The following LRRFIP2 variants were observed in gnomAD, a reference collection of about 807,000 sequenced individuals.
LRRFIP2 encodes the protein leucine-rich repeat flightless-interacting protein 2.
LRRFIP2 carries 109 observed loss-of-function variants against 125.9 expected under a neutral mutation model. That is an observed-to-expected ratio of 0.87 (90% CI 0.74 to 1.01). The LOEUF is 1.01. LRRFIP2 is among the 50% of genes least tolerant of loss of function. The pLI, the probability that LRRFIP2 is intolerant of heterozygous loss-of-function variation, is 0.00. For missense variants in LRRFIP2, 850 were observed against 862.3 expected, an observed-to-expected ratio of 0.99 and a Z score of 0.18; for synonymous variants, 291 against 293.1, an observed-to-expected ratio of 0.99 and a Z score of 0.07.
chr3:37,152,015 AC>A (rs2096045684), intron 1 of LRRFIP2, among the ~76,000 whole-genome samples: 1 of 152,196 alleles, frequency 6.6e-6, no homozygotes, highest in Non-Finnish European at 1.5e-5. Context: ...ACATACACAC[AC>A]ACGTTTATAG....
intron 13 of LRRFIP2, 92 bp from the exon 14 acceptor site, chr3:37,105,615 T>C (rs887161400): frequency 3.7e-6 from 3 of 812,432 alleles, no homozygotes; most frequent in South Asian, 1.4e-5. Flanking sequence ...TTGAGATGCA[T>C]ATGAATAACT....
At chr3:37,167,113 T>C (rs143845827) in intron 1 of LRRFIP2, among the ~76,000 whole-genome samples, 3 of 150,028 alleles carry the variant, frequency 2.0e-5, no homozygotes, top group African/African-American at 4.9e-5. Context: ...GGGAGGATCA[T>C]TTTAGCCCAG....
chr3:37,147,351 T>C (rs1381782572), intron 2 of LRRFIP2, among the ~76,000 whole-genome samples: 1 of 152,180 alleles, frequency 6.6e-6, no homozygotes, highest in Non-Finnish European at 1.5e-5. Flanking sequence ...GCAATCCCAT[T>C]ACTTGAAGGA....
At chr3:37,142,080 A>C (rs977525069) in intron 2 of LRRFIP2, among the ~76,000 whole-genome samples, 1 of 152,138 alleles carries the variant, frequency 6.6e-6, no homozygotes, top group Middle Eastern at 3.4e-3. Context: ...TTTGGACAAA[A>C]TGAATAATGC....
At chr3:37,109,430 C>T in intron 11 of LRRFIP2, 97 bp downstream of exon 11, 1 of 1,318,098 alleles carries the variant, frequency 7.6e-7, no homozygotes, top group South Asian at 1.2e-5. Flanking sequence ...AATCATGTGT[C>T]CTTAACTATT....
intron 21 of LRRFIP2, chr3:37,066,691 ATTTGGTGAACAAAAAAAACCCCACAT>A (rs1339761841): frequency 2.9e-5 from 5 of 172,416 alleles, no homozygotes; most frequent in Non-Finnish European, 6.3e-5. Flanking sequence ...GTGCATTTTT[ATTTGGTGAACAAAAAAAACCCCACAT>A]TTCATGTTTA....
At chr3:37,061,647 A>G (rs1014006984) in intron 24 of LRRFIP2, among the ~76,000 whole-genome samples, 1 of 152,048 alleles carries the variant, frequency 6.6e-6, no homozygotes, top group Non-Finnish European at 1.5e-5. Flanking sequence ...TCAGCCTCCA[A>G]AAGTGCTGGG....
chr3:37,145,250 C>T (rs1223066957), intron 2 of LRRFIP2, among the ~76,000 whole-genome samples: 1 of 152,124 alleles, frequency 6.6e-6, no homozygotes, highest in African/African-American at 2.4e-5. Flanking sequence ...TTTCTGATGT[C>T]AAACAACTAT....
chr3:37,062,305 T>A (rs987501977), intron 24 of LRRFIP2, among the ~76,000 whole-genome samples: 1 of 152,208 alleles, frequency 6.6e-6, no homozygotes, highest in Non-Finnish European at 1.5e-5. Flanking sequence ...CACTGAAATA[T>A]CCCAGTGCCT....
chr3:37,101,356 CAA>C (rs11359628), intron 15 of LRRFIP2, among the ~76,000 whole-genome samples: 68 of 132,338 alleles, frequency 5.1e-4, no homozygotes, highest in Middle Eastern at 3.9e-3. Flanking sequence ...GACTCCGTCT[CAA>C]AAAAAAAAAA....
At chr3:37,083,851 T>A (rs777623017) in intron 18 of LRRFIP2, 45 bp from the exon 19 acceptor site, 1 of 1,410,030 alleles carries the variant, frequency 7.1e-7, no homozygotes, top group East Asian at 2.5e-5. Flanking sequence ...AAATGTTAAT[T>A]GAATACATGC....
At position 37,102,498 on chromosome 3, in the gene LRRFIP2, C is replaced by CT. The variant is rs751506380; in HGVS notation, c.873+425dup. 6.9e-3 allele frequency among the ~76,000 whole-genome samples: 830 copies of CT among 120,844 alleles called. 5 individuals carry two copies. The highest frequency in any genetic ancestry group is 0.042 in the East Asian group (187 of 4,430). The allele number at this position is 120,844 out of a possible 152,430, so 79.3% of individuals were successfully genotyped here. ...TTGATTTTAACATGTTCAAACAATT[C>CT]TTTTTTTTTTTTTTTTTTGAGATGG... On this transcript the variant is annotated intron_variant, in intron 15 of 27. Transcript: ENST00000336686.
At chr3:37,091,410 C>G in intron 18 of LRRFIP2, 57 bp downstream of exon 18, 1 of 1,417,788 alleles carries the variant, frequency 7.1e-7, no homozygotes, top group African/African-American at 1.4e-5. Flanking sequence ...GCAAAGCCAC[C>G]ATTGCCAACA....
chr3:37,105,526 A>G lies in LRRFIP2; in HGVS notation c.715-3T>C, dbSNP rs920547828. The G allele has an allele frequency of 6.2e-7, 1 of 1,611,634 alleles. No individual in the cohort carries two copies. The highest frequency in any genetic ancestry group is 8.5e-7 in the Non-Finnish European group (1 of 1,177,832). ...CTTGCAGTGTCATCGTTGGTAAACT[A>G]TAGATATTAAATGCAGATAATGAAA... On this transcript the variant is annotated splice_region_variant and splice_polypyrimidine_tract_variant and intron_variant, in intron 13 of 27. Transcript: ENST00000336686.
chr3:37,139,154 TAAAC>T (rs10531920), intron 2 of LRRFIP2, among the ~76,000 whole-genome samples: 53,149 of 151,784 alleles, frequency 0.35, 10,419 homozygotes, highest in Non-Finnish European at 0.45. Context: ...TAAACAAAAA[TAAAC>T]AAACTGTTTA....
intron 1 of LRRFIP2, among the ~76,000 whole-genome samples, chr3:37,168,317 A>T (rs1239225889): frequency 6.6e-6 from 1 of 152,250 alleles, no homozygotes; most frequent in Non-Finnish European, 1.5e-5. Flanking sequence ...AATATGGTAT[A>T]AACATACGAA....
intron 1 of LRRFIP2, among the ~76,000 whole-genome samples, chr3:37,166,725 T>TAA (rs113778901): frequency 4.1e-5 from 6 of 148,074 alleles, no homozygotes; most frequent in Non-Finnish European, 7.5e-5. Flanking sequence ...CTACAAAATA[T>TAA]AAAAAAAAAG....
intron 2 of LRRFIP2, among the ~76,000 whole-genome samples, chr3:37,132,148 T>A (rs2095443650): frequency 6.6e-6 from 1 of 152,090 alleles, no homozygotes; most frequent in African/African-American, 2.4e-5. Flanking sequence ...TTTTTTTTTT[T>A]AATAGGAAAC....
chr3:37,072,915 A>C (rs760299850), intron 20 of LRRFIP2, 33 bp from the exon 21 acceptor site: 1 of 1,415,346 alleles, frequency 7.1e-7, no homozygotes, highest in South Asian at 1.2e-5. Context: ...AAGTAATAAA[A>C]GAGCAGAAAG....
Sources: gnomAD v4.1 joint callset for allele counts (sites outside exome capture counted in the v4.1 genomes callset) on GRCh38, gnomAD v4.1.1 for gene constraint, MANE v1.5 for transcripts, NCBI Gene and HGNC (gene_info 2026-07-23, HGNC 2026-07-21) for gene names.